The following SGCD variants were observed in gnomAD, a reference collection of about 807,000 sequenced individuals.
SGCD encodes the protein delta-sarcoglycan.
A neutral mutation model predicts 36.6 loss-of-function variants in SGCD; 18 were observed. That is an observed-to-expected ratio of 0.49 (90% CI 0.34 to 0.73). The LOEUF (loss-of-function observed/expected upper bound fraction) is 0.73. Ranked by LOEUF, SGCD falls within the 30% of genes least tolerant of loss-of-function variation. The probability of loss-of-function intolerance (pLI) is 0.01; values close to 1 mark genes in which losing one functional copy is unlikely to be tolerated. For synonymous variants in SGCD, 133 were observed against 130.6 expected (o/e 1.02, Z -0.12); for missense variants, 387 against 346.7 (o/e 1.12, Z -0.92).
At chr5:156,247,369 T>C (rs1765463640) in intron 3 of SGCD, among the ~76,000 whole-genome samples, 1 of 152,202 alleles carries the variant, frequency 6.6e-6, no homozygotes, top group Non-Finnish European at 1.5e-5. Context: ...AAGCAAATTT[T>C]GGCAAAATAG....
Position 156,314,884 on chromosome 5 carries a change from T to C in SGCD, c.-43-14650T>C, listed in dbSNP as rs1423167071. ...ATATTAGTAAGACTACGGATTTTTTTCAGTTACATTACTTTTTCCCCTAGC... is the reference window on the plus strand; with the variant it reads ...ATATTAGTAAGACTACGGATTTTTTCCAGTTACATTACTTTTTCCCCTAGC... On this transcript the variant is annotated intron_variant, in intron 3 of 9. Coordinates refer to the SGCD transcript ENST00000517913. Among the ~76,000 whole-genome samples, 8 of 152,134 alleles carry C rather than the reference T, an allele frequency of 5.3e-5. No homozygotes were observed. The South Asian group carries it at 1.7e-3, about 32-fold the overall frequency.
chr5:156,340,424 G>A (rs961046310), intron 2 of SGCD, among the ~76,000 whole-genome samples: 10 of 152,156 alleles, frequency 6.6e-5, no homozygotes, highest in African/African-American at 2.2e-4. Context: ...TGGGTGGAAG[G>A]AGTATTCCTA....
At chr5:156,294,447 A>AT (rs1381280970) in intron 3 of SGCD, among the ~76,000 whole-genome samples, 1 of 152,126 alleles carries the variant, frequency 6.6e-6, no homozygotes, top group Non-Finnish European at 1.5e-5. Flanking sequence ...GTAAAAAAAA[A>AT]GCAAAATAAA....
intron 6 of SGCD, among the ~76,000 whole-genome samples, chr5:156,635,896 G>T: frequency 7.0e-6 from 1 of 143,818 alleles, no homozygotes; most frequent in African/African-American, 2.6e-5. Context: ...GGGGTGGGGG[G>T]AGGCGGGAGG....
At position 156,670,501 on chromosome 5, in the gene SGCD, A is replaced by C. The variant is rs764967575; in HGVS notation, c.575+22965A>C. ...GGATGCCCCTGCTGGGTGTATAGACAGAAAATCTTGCTTAATTACCCCTTT... is the reference window on the plus strand; with the variant it reads ...GGATGCCCCTGCTGGGTGTATAGACCGAAAATCTTGCTTAATTACCCCTTT... On this transcript the variant is annotated intron_variant, in intron 7 of 8. Coordinates refer to ENST00000337851, the MANE Select transcript of SGCD (RefSeq NM_000337.6). 1.2e-4 allele frequency among the ~76,000 whole-genome samples: 18 copies of C among 152,194 alleles called. 1 individual carries two copies. The highest frequency in any genetic ancestry group is 2.2e-4 in the Non-Finnish European group (15 of 68,026).
chr5:155,986,974 G>T (rs1028509538), intron 1 of SGCD, among the ~76,000 whole-genome samples: 3 of 152,082 alleles, frequency 2.0e-5, no homozygotes, highest in Non-Finnish European at 4.4e-5. Flanking sequence ...AAAAGGGCTG[G>T]AAATCATATT....
At chr5:155,839,951 T>A in the SGCD span, among the ~76,000 whole-genome samples, 5 of 151,732 alleles carry the variant, frequency 3.3e-5, no homozygotes, top group Admixed American at 6.6e-5. Flanking sequence ...TTTTTTTTTT[T>A]AAATCCCTGG....
At chr5:156,482,566 A>G (rs1311698102) in intron 3 of SGCD, among the ~76,000 whole-genome samples, 1 of 152,192 alleles carries the variant, frequency 6.6e-6, no homozygotes, top group Non-Finnish European at 1.5e-5. Context: ...GCTTTGATAG[A>G]TAAGAAGCTC....
intron 1 of SGCD, among the ~76,000 whole-genome samples, chr5:155,932,626 T>A (rs867242863): frequency 3.9e-5 from 6 of 152,224 alleles, no homozygotes; most frequent in African/African-American, 7.2e-5. Flanking sequence ...GATTAATCAC[T>A]GAAACTGGAC....
At chr5:156,199,762 G>A (rs1158223307) in intron 3 of SGCD, among the ~76,000 whole-genome samples, 2 of 152,034 alleles carry the variant, frequency 1.3e-5, no homozygotes, top group Non-Finnish European at 2.9e-5. Context: ...TTTTGCTGCA[G>A]CATTTCCAGT....
At chr5:156,412,787 C>CTTTTTTTTTTTTTTTTTTTTTTT (rs35464853) in intron 3 of SGCD, among the ~76,000 whole-genome samples, 25 of 105,030 alleles carry the variant, frequency 2.4e-4, no homozygotes, top group Non-Finnish European at 4.3e-4. Flanking sequence ...AGGGTTGGTT[C>CTTTTTTTTTTTTTTTTTTTTTTT]TTTTTTTTTT....
At chr5:156,415,086 A>G (rs1772955570) in intron 3 of SGCD, among the ~76,000 whole-genome samples, 1 of 152,182 alleles carries the variant, frequency 6.6e-6, no homozygotes, top group Non-Finnish European at 1.5e-5. Context: ...GTGGTGGCCA[A>G]GGTTTCAGTC....
At chr5:156,154,529 C>T (rs1425383484) in intron 3 of SGCD, among the ~76,000 whole-genome samples, 2 of 151,732 alleles carry the variant, frequency 1.3e-5, no homozygotes, top group Middle Eastern at 6.3e-3. Context: ...AGCTTTTTGT[C>T]ATGATGCATT....
At chr5:156,342,155 C>A (rs73815035) in intron 2 of SGCD, among the ~76,000 whole-genome samples, 3,454 of 152,328 alleles carry the variant, frequency 0.023, 123 homozygotes, top group African/African-American at 0.078. Flanking sequence ...GCTACCTATA[C>A]CTCCATCCTC....
intron 3 of SGCD, among the ~76,000 whole-genome samples, chr5:156,364,316 A>G (rs1769971830): frequency 6.6e-6 from 1 of 152,246 alleles, no homozygotes; most frequent in Non-Finnish European, 1.5e-5. Flanking sequence ...TATAGAATCA[A>G]TTCAAAAGGA....
intron 1 of SGCD, among the ~76,000 whole-genome samples, chr5:155,973,249 C>A (rs1205400918): frequency 6.6e-6 from 1 of 152,124 alleles, no homozygotes; most frequent in Admixed American, 6.5e-5. Context: ...AAGTCCAAAC[C>A]AGGATTTAAT....
chr5:156,007,896 G>C (rs1364675545), intron 1 of SGCD, among the ~76,000 whole-genome samples: 1 of 152,214 alleles, frequency 6.6e-6, no homozygotes, highest in East Asian at 1.9e-4. Context: ...GCTTTGGGAA[G>C]TTGCATGTTA....
chr5:156,318,549 CT>C (rs1276745378), intron 3 of SGCD, among the ~76,000 whole-genome samples: 2 of 151,186 alleles, frequency 1.3e-5, no homozygotes, highest in East Asian at 3.9e-4. Context: ...ACTCTTCGTA[CT>C]TTTTTATGGC....
intron 3 of SGCD, among the ~76,000 whole-genome samples, chr5:156,500,572 A>C (rs1320549477): frequency 6.6e-6 from 1 of 152,246 alleles, no homozygotes; most frequent in Non-Finnish European, 1.5e-5. Flanking sequence ...AGGAGCAAGA[A>C]AATCGCACTT....
Sources: gnomAD v4.1 joint callset for allele counts (sites outside exome capture counted in the v4.1 genomes callset) on GRCh38, gnomAD v4.1.1 for gene constraint, MANE v1.5 for transcripts, NCBI Gene and HGNC (gene_info 2026-07-23, HGNC 2026-07-21) for gene names.